The following SND1 variants were observed in gnomAD, a reference collection of about 807,000 sequenced individuals.
SND1 encodes the protein staphylococcal nuclease domain-containing protein 1.
A neutral mutation model predicts 121.7 loss-of-function variants in SND1; 38 were observed. That is an observed-to-expected ratio of 0.31 (90% CI 0.24 to 0.41). SND1 has a LOEUF of 0.41. Ranked by LOEUF, SND1 falls within the 10% of genes least tolerant of loss-of-function variation. The probability of loss-of-function intolerance (pLI) is 1.00; values close to 1 mark genes in which losing one functional copy is unlikely to be tolerated. For missense variants in SND1, 868 were observed against 1,184.6 expected (o/e 0.73, Z 3.92); for synonymous variants, 401 against 447.4 (o/e 0.90, Z 1.31).
intron 15 of SND1, among the ~76,000 whole-genome samples, chr7:127,963,500 G>A (rs1411296315): frequency 8.7e-4 from 104 of 119,658 alleles, no homozygotes; most frequent in African/African-American, 3.0e-3. Context: ...GAGAATATGC[G>A]GTGTTTGGTT....
At chr7:127,732,267 A>G (rs1203035088) in intron 10 of SND1, among the ~76,000 whole-genome samples, 7 of 152,318 alleles carry the variant, frequency 4.6e-5, no homozygotes, top group African/African-American at 1.7e-4. Context: ...ATTTCTTTGA[A>G]TTACCTTCCC....
At chr7:127,666,051 C>T (rs1386752304) in intron 1 of SND1, among the ~76,000 whole-genome samples, 2 of 152,136 alleles carry the variant, frequency 1.3e-5, no homozygotes, top group Non-Finnish European at 2.9e-5. Context: ...GCCCAGAGGC[C>T]AGGAGGCTGC....
chr7:127,821,906 T>C (rs1160639543), intron 11 of SND1, among the ~76,000 whole-genome samples: 1 of 152,238 alleles, frequency 6.6e-6, no homozygotes, highest in Non-Finnish European at 1.5e-5. Flanking sequence ...TTTGACAAGC[T>C]ATTATATAAA....
At chr7:127,874,990 G>T (rs1457997788) in intron 12 of SND1, among the ~76,000 whole-genome samples, 3 of 152,078 alleles carry the variant, frequency 2.0e-5, no homozygotes, top group African/African-American at 7.2e-5. Context: ...AGGGAAACAG[G>T]CTAAGAATCA....
At chr7:127,744,366 T>C (rs1303234710) in intron 10 of SND1, among the ~76,000 whole-genome samples, 1 of 152,182 alleles carries the variant, frequency 6.6e-6, no homozygotes, top group Non-Finnish European at 1.5e-5. Flanking sequence ...TGTGACTGTT[T>C]TATTTTAAAA....
chr7:127,810,889 C>A (rs967869370), intron 11 of SND1, among the ~76,000 whole-genome samples: 15 of 152,104 alleles, frequency 9.9e-5, no homozygotes, highest in Admixed American at 1.3e-4. Flanking sequence ...ACCATGGGAA[C>A]CATTGTATTT....
chr7:127,880,970 T>A (rs369685298), intron 12 of SND1, among the ~76,000 whole-genome samples: 6 of 152,176 alleles, frequency 3.9e-5, no homozygotes, highest in Admixed American at 3.9e-4. Context: ...TTTCTAGAGA[T>A]CTCACCAGAT....
chr7:127,916,053 C>CATAT (rs67205458), intron 14 of SND1, among the ~76,000 whole-genome samples: 3 of 139,978 alleles, frequency 2.1e-5, no homozygotes, highest in African/African-American at 7.7e-5. Context: ...TATATGTATA[C>CATAT]ATATATATAT....
At chr7:127,779,840 A>C (rs988211839) in intron 10 of SND1, among the ~76,000 whole-genome samples, 1 of 152,162 alleles carries the variant, frequency 6.6e-6, no homozygotes, top group Non-Finnish European at 1.5e-5. Context: ...TTTGTGTGCA[A>C]GTGTTACCCA....
intron 3 of SND1, among the ~76,000 whole-genome samples, chr7:127,695,944 G>T (rs56347574): frequency 0.017 from 2,592 of 152,290 alleles, 93 homozygotes; most frequent in African/African-American, 0.059. Context: ...TTTGGATTAG[G>T]TAGTAAGAGA....
chr7:127,897,124 T>C (rs1800134851), intron 13 of SND1, among the ~76,000 whole-genome samples: 1 of 152,192 alleles, frequency 6.6e-6, no homozygotes, highest in Admixed American at 6.5e-5. Flanking sequence ...TGTTTTATCC[T>C]AAGCTGCTTC....
intron 16 of SND1, among the ~76,000 whole-genome samples, chr7:128,008,357 G>T (rs183438621): frequency 1.3e-5 from 2 of 152,198 alleles, no homozygotes; most frequent in Non-Finnish European, 2.9e-5. Context: ...TCCCTGATAT[G>T]TAGTTGTAGA....
At chr7:127,825,410 C>T (rs1798624667) in intron 11 of SND1, among the ~76,000 whole-genome samples, 1 of 149,612 alleles carries the variant, frequency 6.7e-6, no homozygotes, top group Non-Finnish European at 1.5e-5. Context: ...CTCCTGGCCA[C>T]CTTTTTTTTT....
chr7:127,684,276 A>C (rs1795776344), intron 1 of SND1, among the ~76,000 whole-genome samples: 1 of 152,212 alleles, frequency 6.6e-6, no homozygotes, highest in African/African-American at 2.4e-5. Context: ...CTTTACCAAG[A>C]GGTCCCCTGG....
intron 14 of SND1, among the ~76,000 whole-genome samples, chr7:127,922,894 C>T (rs995478926): frequency 1.3e-5 from 2 of 152,196 alleles, no homozygotes; most frequent in Admixed American, 1.3e-4. Context: ...GCCTGGGCTG[C>T]GGTTTCTCCT....
chr7:127,881,336 T>C (rs1799785983), intron 12 of SND1, among the ~76,000 whole-genome samples: 1 of 152,162 alleles, frequency 6.6e-6, no homozygotes, highest in African/African-American at 2.4e-5. Flanking sequence ...ATTAAATTTT[T>C]TATGCTCTTT....
At chr7:127,903,477 C>G (rs935908261) in intron 13 of SND1, among the ~76,000 whole-genome samples, 13 of 152,104 alleles carry the variant, frequency 8.5e-5, no homozygotes, top group African/African-American at 2.4e-4. Flanking sequence ...CAGTACTTGC[C>G]CTCATCAAGG....
chr7:127,813,059 C>T (rs537189448), intron 11 of SND1, among the ~76,000 whole-genome samples: 1 of 152,284 alleles, frequency 6.6e-6, no homozygotes, highest in African/African-American at 2.4e-5. Flanking sequence ...TACAAGGTTG[C>T]TTGTCCTTGC....
intron 12 of SND1, among the ~76,000 whole-genome samples, chr7:127,879,011 A>G (rs1024814989): frequency 2.6e-5 from 4 of 152,166 alleles, no homozygotes; most frequent in African/African-American, 9.6e-5. Flanking sequence ...AGACTGGAGA[A>G]TAAAAAACAC....
Sources: allele counts gnomAD v4.1 joint callset (sites outside exome capture counted in the v4.1 genomes callset), GRCh38; gene constraint gnomAD v4.1.1; transcripts MANE v1.5; gene names NCBI Gene and HGNC (gene_info 2026-07-23, HGNC 2026-07-21).